The following CACNA1C variants were observed in gnomAD, a reference collection of about 807,000 sequenced individuals.
The protein encoded by CACNA1C is voltage-dependent L-type calcium channel subunit alpha-1C.
Under a neutral mutation model 229.0 loss-of-function variants are expected in CACNA1C, and 30 were observed. The ratio of observed to expected loss-of-function variants is 0.13; its 90% CI spans 0.10 to 0.18. CACNA1C has a LOEUF of 0.18. Ranked by LOEUF, CACNA1C falls within the 10% of genes least tolerant of loss-of-function variation. The pLI is 1.00. For missense variants in CACNA1C, 1,658 were observed against 2,845.0 expected (o/e 0.58, Z 9.49); for synonymous variants, 1,114 against 1,132.5 (o/e 0.98, Z 0.33).
chr12:2,239,621 C>T (rs757127336), intron 3 of CACNA1C, among the ~76,000 whole-genome samples: 97 of 152,162 alleles, frequency 6.4e-4, no homozygotes, highest in Non-Finnish European at 1.3e-3. Context: ...TCCCTCTTCC[C>T]TCCCACTCGC....
At chr12:2,219,227 C>T (rs2060801225) in intron 3 of CACNA1C, among the ~76,000 whole-genome samples, 1 of 152,226 alleles carries the variant, frequency 6.6e-6, no homozygotes, top group South Asian at 2.1e-4. Flanking sequence ...ACTGGCCATG[C>T]AGGGATTTGG....
At position 2,504,501 on chromosome 12, in the gene CACNA1C, C is replaced by A; in HGVS notation, c.1114-341C>A. ...TTGTCAGTCTGGTCATCTTTGGATC[C>A]TTTTTCGTTCTAAATCTGGTTCTCG... On this transcript the variant is annotated intron_variant, in intron 7 of 46. Transcript: ENST00000399655. This position sits in a 1 kb window ranked among gnomAD's most constrained non-coding sequence, Gnocchi z 6.8. 6.2e-7 allele frequency: 1 copy of A among 1,611,452 alleles called. No homozygotes were observed. The highest frequency in any genetic ancestry group is 1.1e-5 in the South Asian group (1 of 90,990).
intron 9 of CACNA1C, among the ~76,000 whole-genome samples, chr12:2,521,905 A>C (rs573929207): frequency 6.6e-6 from 1 of 152,324 alleles, no homozygotes; most frequent in African/African-American, 2.4e-5. Flanking sequence ...TGGGTACAGA[A>C]TAAAGCCTGA....
intron 9 of CACNA1C, among the ~76,000 whole-genome samples, chr12:2,540,155 G>A (rs1023670181): frequency 1.3e-5 from 2 of 152,158 alleles, no homozygotes; most frequent in African/African-American, 2.4e-5. Flanking sequence ...CCCATGGGCC[G>A]GCCCAAGCAG....
At chr12:2,182,803 C>A (rs1331643419) in intron 3 of CACNA1C, among the ~76,000 whole-genome samples, 1 of 152,146 alleles carries the variant, frequency 6.6e-6, no homozygotes, top group African/African-American at 2.4e-5. Context: ...GATGAAGGCA[C>A]ACCCCACCCT....
At chr12:2,369,198 A>T (rs2097789586) in intron 3 of CACNA1C, among the ~76,000 whole-genome samples, 1 of 152,174 alleles carries the variant, frequency 6.6e-6, no homozygotes. Context: ...GTTTTCCCTT[A>T]CAAAACCAGT....
rs112270832 is a variant in CACNA1C, at chr12:2,605,317, G to A, written c.3048+149G>A. On this transcript the variant is annotated intron_variant, in intron 23 of 46. Transcript: ENST00000399655. The surrounding 1 kb of genome is among the most constrained non-coding windows in gnomAD (Gnocchi z 6.2). ...GGACACTGGTCCCACTGCATGTCCC[G>A]GTTCCGTAATGAACAGAATAGTAAC... 5.0e-5 allele frequency: 32 copies of A among 635,578 alleles called. No homozygotes were observed. The highest frequency in any genetic ancestry group is 8.2e-5 in the East Asian group (3 of 36,720). 39.4% of individuals were successfully genotyped at this position (635,578 alleles called of 1,614,324 possible).
At chr12:2,461,582 G>T (rs147478948) in intron 5 of CACNA1C, among the ~76,000 whole-genome samples, 1 of 152,204 alleles carries the variant, frequency 6.6e-6, no homozygotes, top group South Asian at 2.1e-4. Context: ...CCTACCTGCC[G>T]ACTCCGTTCC....
intron 9 of CACNA1C, among the ~76,000 whole-genome samples, chr12:2,541,833 G>C (rs1420967834): frequency 6.6e-6 from 1 of 152,232 alleles, no homozygotes; most frequent in Non-Finnish European, 1.5e-5. Flanking sequence ...GTGACCAAAG[G>C]TTTCGGAACT....
chr12:2,430,765 G>A (rs910693684), intron 3 of CACNA1C, among the ~76,000 whole-genome samples: 6 of 152,046 alleles, frequency 3.9e-5, no homozygotes, highest in African/African-American at 1.2e-4. Context: ...GTGTATAGGA[G>A]GCCCTTCCTT....
In CACNA1C at chr12:2,566,050, A is replaced by G. The variant is rs544941854; in HGVS notation, c.1509-372A>G. ...GGGCCCCTCCTCCACTGTTACTAAT[A>G]ATGCTCTTATTGCTTACAACACTAT... On this transcript the variant is annotated intron_variant, in intron 11 of 46. Coordinates refer to ENST00000399655, the MANE Select transcript of CACNA1C (RefSeq NM_000719.7). The surrounding 1 kb of genome is among the most constrained non-coding windows in gnomAD (Gnocchi z 4.0). Among the ~76,000 whole-genome samples the G allele has an allele frequency of 7.4e-4, 113 of 152,316 alleles. 1 individual carries two copies. The highest frequency in any genetic ancestry group is 2.6e-3 in the African/African-American group (110 of 41,578).
rs755702533 is a variant in CACNA1C, at chr12:2,438,290, A to ATGGTGGTGG, written c.478-10672_478-10664dup. On this transcript the variant is annotated intron_variant, in intron 3 of 46. Transcript: ENST00000399655. ...GGTGGTGGTAATGATAGTGGTAATGATGGTGGTGGTGGTGGTGGTGGTTGT... is the reference window on the plus strand; with the variant it reads ...GGTGGTGGTAATGATAGTGGTAATGATGGTGGTGGTGGTGGTGGTGGTGGTGGTGGTTGT... Among the ~76,000 whole-genome samples, 178 of 122,644 alleles carry ATGGTGGTGG rather than the reference A, an allele frequency of 1.5e-3. 4 individuals are homozygous for ATGGTGGTGG. The South Asian group carries it at 0.032, about 22-fold the overall frequency. 80.5% of individuals were successfully genotyped at this position (122,644 alleles called of 152,430 possible).
intron 1 of CACNA1C, among the ~76,000 whole-genome samples, chr12:2,109,600 G>A (rs2080821364): frequency 3.3e-5 from 5 of 152,180 alleles, no homozygotes; most frequent in Admixed American, 3.3e-4. Flanking sequence ...TTGACAAGGA[G>A]TTTGGATTTT....
chr12:2,000,457 C>A lies in CACNA1C; in HGVS notation c.139+29256C>A, dbSNP rs57846413. On this transcript the variant is annotated intron_variant, in intron 1 of 46. Transcript: ENST00000682462. ...TTTCTTCCTTGATGTAACAGAAATT[C>A]TCTTTTCTTAATTAAAAAAAAAAAA... is the stretch of plus-strand genomic sequence containing the variant. 4.0e-5 allele frequency among the ~76,000 whole-genome samples: 6 copies of A among 150,052 alleles called. No individual in the cohort carries two copies. In the South Asian group the frequency reaches 1.3e-3, roughly 32 times the overall value.
intron 3 of CACNA1C, among the ~76,000 whole-genome samples, chr12:2,193,179 G>T (rs913506534): frequency 6.6e-6 from 1 of 152,238 alleles, no homozygotes; most frequent in African/African-American, 2.4e-5. Context: ...TCAAGGCCGG[G>T]TGCAGAGGCC....
In CACNA1C at chr12:2,691,069, C is replaced by A. The variant is rs2097781569; in HGVS notation, c.6287C>A (p.Pro2096His). 6.2e-7 allele frequency: 1 copy of A among 1,610,440 alleles called. No homozygotes were observed. Among genetic ancestry groups the A allele is most frequent in the African/African-American group, 1.3e-5 (1 of 74,856 alleles). ...APQSPNGALL[P>H]FVNCRDAGQD... ...CAGAGCCCCAATGGCGCCCTCTTAC[C>A]CTTTGTGAACTGCAGGGACGCGGGG... The change falls in exon 47 of 47, where the codon CCC becomes CAC. Residue 2096 changes from proline to histidine, a missense_variant. Pro to His is a moderately conservative substitution (Grantham distance 77). Coordinates refer to ENST00000399655, the MANE Select transcript of CACNA1C (RefSeq NM_000719.7).
chr12:2,062,945 G>A (rs899936544), intron 1 of CACNA1C, among the ~76,000 whole-genome samples: 4 of 152,028 alleles, frequency 2.6e-5, no homozygotes, highest in African/African-American at 4.8e-5. Context: ...GCTTTGTTGA[G>A]GTATAATTCG....
intron 3 of CACNA1C, among the ~76,000 whole-genome samples, chr12:2,374,689 T>G (rs1259672184): frequency 6.6e-6 from 1 of 152,242 alleles, no homozygotes; most frequent in Non-Finnish European, 1.5e-5. Context: ...CCTTAGCCAT[T>G]CACTCAGCAG....
intron 1 of CACNA1C, among the ~76,000 whole-genome samples, chr12:1,987,186 G>C (rs2154471648): frequency 6.6e-6 from 1 of 152,286 alleles, no homozygotes; most frequent in South Asian, 2.1e-4. Context: ...CTGCTGCTAA[G>C]GAAATTATAT....
Sources: allele counts gnomAD v4.1 joint callset (sites outside exome capture counted in the v4.1 genomes callset), GRCh38; gene constraint gnomAD v4.1.1; non-coding constraint Gnocchi (gnomAD v3.1); transcripts MANE v1.5; gene names NCBI Gene and HGNC (gene_info 2026-07-23, HGNC 2026-07-21).